P2RX5: variants seen among roughly 807,000 people sequenced by gnomAD.
P2RX5 encodes purinergic receptor P2X 5.
A neutral mutation model predicts 54.1 loss-of-function variants in P2RX5; 46 were observed. That is an observed-to-expected ratio of 0.85 (90% confidence interval 0.67 to 1.09). P2RX5 has a LOEUF of 1.09. Ranked by LOEUF, P2RX5 falls within the 50% of genes least tolerant of loss-of-function variation. P2RX5 has a pLI of 0.00. For synonymous variants in P2RX5, 226 were observed against 226.4 expected, an observed-to-expected ratio of 1.00 and a Z score of 0.02; for missense variants, 566 against 549.8, an observed-to-expected ratio of 1.03 and a Z score of -0.29.
At chr17:3,677,523 C>T (rs1413829345) in intron 11 of P2RX5, 2 of 985,428 alleles carry the variant, frequency 2.0e-6, no homozygotes, top group Non-Finnish European at 2.4e-6. Flanking sequence ...CCCAAATGTC[C>T]CCTTGGGTGT....
rs1419333306 is a variant in P2RX5, at chr17:3,695,897, G to A, written c.109C>T (p.Gln37Ter). The A allele has an allele frequency of 6.2e-7, 1 of 1,613,884 alleles. No individual in the cohort carries two copies. The highest frequency in any genetic ancestry group is 8.5e-7 in the Non-Finnish European group (1 of 1,179,978). Reference sequence around the variant, plus strand: ...ACCAGGTACGCCAGGATGGAGGCCTGCAGCAGCCGGTACAGCAGGCCCACC... The same window carrying A: ...ACCAGGTACGCCAGGATGGAGGCCTACAGCAGCCGGTACAGCAGGCCCACC... ...KKVGLLYRLLQASILAYLVVW... is the reference protein window; with the variant it reads ...KKVGLLYRLL Residue 37 changes from glutamine to a stop codon, truncating the protein, a stop_gained, in exon 1 of 12, where the codon CAG becomes TAG. Transcript: ENST00000225328. LOFTEE classifies it high-confidence loss of function.
the P2RX5 span, chr17:3,723,261 A>G: frequency 1.4e-6 from 2 of 1,465,400 alleles, no homozygotes; most frequent in Middle Eastern, 3.5e-4. Context: ...TGGATAATCA[A>G]ATCTGGAGCA....
At chr17:3,698,772 T>C (rs1283491312), upstream of P2RX5, among the ~76,000 whole-genome samples, 1 of 151,926 alleles carries the variant, frequency 6.6e-6, no homozygotes, top group East Asian at 1.9e-4. Flanking sequence ...AGAGACCACA[T>C]GAGGGGCATC....
intron 11 of P2RX5, chr17:3,677,747 C>A: frequency 1.0e-6 from 1 of 985,354 alleles, no homozygotes; most frequent in South Asian, 4.7e-5. Flanking sequence ...TGCGTCAATA[C>A]ATGTTTACAG....
chr17:3,697,732 C>T (rs9909881), upstream of P2RX5, among the ~76,000 whole-genome samples: 23,524 of 152,196 alleles, frequency 0.15, 2,313 homozygotes, highest in Non-Finnish European at 0.22. Context: ...TTTGGGAAAG[C>T]GTGGATCTTT....
At chr17:3,674,775 T>G (rs558120807) in intron 11 of P2RX5, among the ~76,000 whole-genome samples, 2 of 152,294 alleles carry the variant, frequency 1.3e-5, no homozygotes, top group African/African-American at 4.8e-5. Context: ...TGCTATAACC[T>G]TTCAGATTTC....
intron 11 of P2RX5, among the ~76,000 whole-genome samples, chr17:3,674,658 T>C (rs2050060533): frequency 6.6e-6 from 1 of 152,250 alleles, no homozygotes. Context: ...ACCTGGCTCC[T>C]GTCTGCCGCC....
chr17:3,717,138 C>T, the P2RX5 span: 4 of 231,060 alleles, frequency 1.7e-5, no homozygotes, highest in African/African-American at 4.6e-5. Context: ...GAGGCTGTCA[C>T]GCCGCTACAC....
intron 9 of P2RX5, among the ~76,000 whole-genome samples, chr17:3,683,575 C>G (rs544227733): frequency 6.6e-6 from 1 of 152,062 alleles, no homozygotes; most frequent in South Asian, 2.1e-4. Flanking sequence ...TACAAAAATA[C>G]GAAAATTAAC....
chr17:3,723,418 T>G, the P2RX5 span: 1 of 1,463,206 alleles, frequency 6.8e-7, no homozygotes, highest in Non-Finnish European at 9.6e-7. Flanking sequence ...ACAATTCCTT[T>G]CCGTGCGGAA....
chr17:3,720,545 G>T, the P2RX5 span: 6 of 499,074 alleles, frequency 1.2e-5, no homozygotes, highest in East Asian at 3.5e-5. Context: ...ACTACATAAA[G>T]TTACCCAAAC....
chr17:3,673,602 G>T lies in P2RX5; in HGVS notation c.*266C>A. The T allele has an allele frequency of 7.1e-7, 1 of 1,413,996 alleles. No individual in the cohort carries two copies. The allele number at this position is 1,413,996 out of a possible 1,614,324, so 87.6% of individuals were successfully genotyped here. ...TTCCCCATTTACAACCCGTTCCCTA[G>T]TGCGGGAAGCCAGCCACGGAGAAAG... On this transcript the variant is annotated 3_prime_UTR_variant, in exon 12 of 12. Transcript: ENST00000225328.
chr17:3,679,239 G>A (rs1039149033), intron 11 of P2RX5, among the ~76,000 whole-genome samples: 4 of 152,268 alleles, frequency 2.6e-5, no homozygotes, highest in African/African-American at 9.6e-5. Context: ...GGGGAAGATC[G>A]GTGTCTATCT....
upstream of P2RX5, among the ~76,000 whole-genome samples, chr17:3,700,795 G>C (rs1010421533): frequency 6.6e-6 from 1 of 152,168 alleles, no homozygotes; most frequent in African/African-American, 2.4e-5. Flanking sequence ...GCGAGAGCTA[G>C]TTGTTTAAAA....
At chr17:3,710,027 T>C in the P2RX5 span, among the ~76,000 whole-genome samples, 4 of 152,168 alleles carry the variant, frequency 2.6e-5, no homozygotes, top group Admixed American at 2.6e-4. Flanking sequence ...TCTGGTGCCA[T>C]TATAATATAA....
the P2RX5 span, among the ~76,000 whole-genome samples, chr17:3,713,669 G>C: frequency 9.3e-4 from 141 of 151,522 alleles, no homozygotes; most frequent in African/African-American, 3.0e-3. Context: ...AGAATCGCTT[G>C]AACCCGGGAG....
Position 3,679,787 on chromosome 17 carries a change from G to A in P2RX5, c.1065-3C>T, listed in dbSNP as rs776832129. ...CCTGGGAACTGTCTTCTAGGCCCCTGGACAAGATACAAGCTGTTCACCTGG... is the reference window on the plus strand; with the variant it reads ...CCTGGGAACTGTCTTCTAGGCCCCTAGACAAGATACAAGCTGTTCACCTGG... On this transcript the variant is annotated splice_polypyrimidine_tract_variant and splice_region_variant and intron_variant, in intron 10 of 11. Transcript: ENST00000225328. 10 of 1,608,580 alleles carry A rather than the reference G, an allele frequency of 6.2e-6. No homozygotes were observed. Among genetic ancestry groups the A allele is most frequent in the Middle Eastern group, 1.6e-4 (1 of 6,078 alleles).
the P2RX5 span, chr17:3,722,602 C>T: frequency 6.6e-6 from 1 of 152,204 alleles, no homozygotes; most frequent in Non-Finnish European, 1.5e-5. Context: ...GTCTTGTGGC[C>T]AGAATAATGC....
chr17:3,722,626 TAGA>T, the P2RX5 span: 1 of 152,856 alleles, frequency 6.5e-6, no homozygotes, highest in Admixed American at 6.5e-5. Flanking sequence ...ACTGGCGAGC[TAGA>T]AGAATAGGAC....
Sources: allele counts gnomAD v4.1 joint callset (sites outside exome capture counted in the v4.1 genomes callset), GRCh38; gene constraint gnomAD v4.1.1; transcripts MANE v1.5; gene names NCBI Gene and HGNC (gene_info 2026-07-23, HGNC 2026-07-21).